Variants in ADAMTSL1 observed in about 807,000 individuals in gnomAD.
ADAMTSL1 encodes the protein ADAMTS like 1.
In ADAMTSL1, 126 loss-of-function variants were observed where a neutral mutation model predicts 201.8. The ratio of observed to expected loss-of-function variants is 0.62; its 90% CI spans 0.54 to 0.72. ADAMTSL1 has a LOEUF of 0.72. ADAMTSL1 is among the 30% of genes least tolerant of loss of function. The pLI, the probability that ADAMTSL1 is intolerant of heterozygous loss-of-function variation, is 0.00. For missense variants in ADAMTSL1, 2,679 were observed against 2,277.8 expected, an observed-to-expected ratio of 1.18 and a Z score of -3.59; for synonymous variants, 1,121 against 903.4, an observed-to-expected ratio of 1.24 and a Z score of -4.32.
chr9:18,312,475 T>C (rs1353228764), intron 2 of ADAMTSL1, among the ~76,000 whole-genome samples: 1 of 152,208 alleles, frequency 6.6e-6, no homozygotes, highest in East Asian at 1.9e-4. Flanking sequence ...GGTGGCCTTA[T>C]GCACTGGCCT....
chr9:18,042,929 C>CG (rs1554684908), intron 1 of ADAMTSL1, among the ~76,000 whole-genome samples: 1 of 151,970 alleles, frequency 6.6e-6, no homozygotes, highest in Non-Finnish European at 1.5e-5. Flanking sequence ...AAAAAATTCA[C>CG]GGGGGAACCT....
intron 3 of ADAMTSL1, 69 bp downstream of exon 3, chr9:18,533,361 T>G: frequency 1.5e-6 from 2 of 1,368,608 alleles, no homozygotes; most frequent in Non-Finnish European, 2.0e-6. Flanking sequence ...AGCAGTTTTA[T>G]ATCCTGAGCA....
chr9:18,216,637 C>T (rs1180252926), intron 2 of ADAMTSL1, among the ~76,000 whole-genome samples: 4 of 147,078 alleles, frequency 2.7e-5, no homozygotes, highest in Admixed American at 6.9e-5. Flanking sequence ...TGACATACAA[C>T]TCTTGCTCTC....
At chr9:18,655,049 G>T (rs1828543297) in intron 7 of ADAMTSL1, among the ~76,000 whole-genome samples, 1 of 152,226 alleles carries the variant, frequency 6.6e-6, no homozygotes, top group Non-Finnish European at 1.5e-5. Context: ...CCCATCTGAG[G>T]CACAGCTTCT....
At chr9:18,892,833 C>T (rs959707088) in intron 26 of ADAMTSL1, among the ~76,000 whole-genome samples, 1 of 152,122 alleles carries the variant, frequency 6.6e-6, no homozygotes, top group Non-Finnish European at 1.5e-5. Flanking sequence ...CAGTCAGCAA[C>T]TCAAAACATC....
intron 1 of ADAMTSL1, among the ~76,000 whole-genome samples, chr9:18,153,084 G>A (rs914442417): frequency 1.3e-5 from 2 of 151,988 alleles, no homozygotes; most frequent in Admixed American, 6.6e-5. Context: ...TTCCTACACT[G>A]TACTTTTAAT....
intron 1 of ADAMTSL1, among the ~76,000 whole-genome samples, chr9:18,498,679 A>G (rs1284988464): frequency 6.6e-6 from 1 of 152,156 alleles, no homozygotes; most frequent in African/African-American, 2.4e-5. Context: ...AGATCTGACA[A>G]CATGTCTAAG....
chr9:18,363,936 A>G (rs1051890498), intron 2 of ADAMTSL1, among the ~76,000 whole-genome samples: 1 of 152,144 alleles, frequency 6.6e-6, no homozygotes, highest in Non-Finnish European at 1.5e-5. Flanking sequence ...AGAGGAAGGA[A>G]CATAGTTTCT....
intron 8 of ADAMTSL1, among the ~76,000 whole-genome samples, chr9:18,659,787 A>C (rs1014927628): frequency 6.6e-6 from 1 of 152,140 alleles, no homozygotes; most frequent in African/African-American, 2.4e-5. Context: ...GAAAGAAAGA[A>C]GGAAAATCGC....
At chr9:18,894,883 T>C (rs922722741) in intron 26 of ADAMTSL1, among the ~76,000 whole-genome samples, 1 of 151,760 alleles carries the variant, frequency 6.6e-6, no homozygotes, top group African/African-American at 2.4e-5. Context: ...CTAATTAAAC[T>C]GGGGGAAAAA....
chr9:17,936,356 A>C lies in ADAMTSL1; in HGVS notation c.87+29434A>C, dbSNP rs927339903. On this transcript the variant is annotated intron_variant, in intron 1 of 29. Coordinates refer to the ADAMTSL1 transcript ENST00000680146. ...TACCTGCTAGGCACCATTGAGGTAG[A>C]AGATTGCATTACCCCTAACATCAGT... Among the ~76,000 whole-genome samples, 6 of 152,278 alleles carry C rather than the reference A, an allele frequency of 3.9e-5. No homozygotes were observed. The South Asian group carries it at 1.2e-3, about 32-fold the overall frequency.
At chr9:18,821,510 G>T (rs1328929076) in intron 21 of ADAMTSL1, among the ~76,000 whole-genome samples, 1 of 152,152 alleles carries the variant, frequency 6.6e-6, no homozygotes, top group Admixed American at 6.5e-5. Flanking sequence ...TAGTCACATG[G>T]CCACGCACAA....
intron 4 of ADAMTSL1, among the ~76,000 whole-genome samples, chr9:18,594,589 T>G (rs1824140450): frequency 6.6e-6 from 1 of 152,224 alleles, no homozygotes; most frequent in African/African-American, 2.4e-5. Context: ...GTTTGATTAA[T>G]CCAGCTGTTT....
intron 2 of ADAMTSL1, among the ~76,000 whole-genome samples, chr9:18,291,331 C>A (rs1397214781): frequency 6.6e-6 from 1 of 152,116 alleles, no homozygotes; most frequent in Non-Finnish European, 1.5e-5. Context: ...TCAATAATAT[C>A]AGATGGTTCC....
intron 1 of ADAMTSL1, among the ~76,000 whole-genome samples, chr9:18,073,667 T>G (rs1039182387): frequency 1.3e-5 from 2 of 152,216 alleles, no homozygotes; most frequent in African/African-American, 4.8e-5. Flanking sequence ...TTAAAAGATA[T>G]GCATGCATTT....
chr9:18,170,825 A>G (rs1827858408), intron 2 of ADAMTSL1, among the ~76,000 whole-genome samples: 1 of 152,074 alleles, frequency 6.6e-6, no homozygotes, highest in African/African-American at 2.4e-5. Flanking sequence ...TGGGCATCTA[A>G]CTGTGGTGGA....
chr9:17,999,102 A>G (rs1384150024), intron 1 of ADAMTSL1, among the ~76,000 whole-genome samples: 1 of 152,098 alleles, frequency 6.6e-6, no homozygotes, highest in Non-Finnish European at 1.5e-5. Context: ...AATAACATGA[A>G]CTGAATACCC....
chr9:18,651,766 A>G (rs781442739), intron 7 of ADAMTSL1, among the ~76,000 whole-genome samples: 15 of 152,190 alleles, frequency 9.9e-5, no homozygotes, highest in Non-Finnish European at 1.8e-4. Flanking sequence ...TGATGCCTTC[A>G]TATTTTGTTC....
intron 2 of ADAMTSL1, among the ~76,000 whole-genome samples, chr9:18,193,358 A>T (rs1218088508): frequency 1.3e-5 from 2 of 152,130 alleles, no homozygotes; most frequent in African/African-American, 4.8e-5. Flanking sequence ...GGAGGACATG[A>T]TAACATGGAA....
Sources: gnomAD v4.1 joint callset for allele counts (sites outside exome capture counted in the v4.1 genomes callset) on GRCh38, gnomAD v4.1.1 for gene constraint, MANE v1.5 for transcripts, NCBI Gene and HGNC (gene_info 2026-07-23, HGNC 2026-07-21) for gene names.